NRXN2: variants seen among roughly 807,000 people sequenced by gnomAD.
NRXN2 encodes the protein neurexin-2-beta.
A neutral mutation model predicts 128.8 loss-of-function variants in NRXN2; 29 were observed. The observed-to-expected ratio is 0.23, with a 90% CI of 0.17 to 0.31. The LOEUF is 0.31. Ranked by LOEUF, NRXN2 falls within the 10% of genes least tolerant of loss-of-function variation. The pLI is 1.00. For missense variants in NRXN2, 1,881 were observed against 2,452.6 expected, an observed-to-expected ratio of 0.77 and a Z score of 4.92; for synonymous variants, 1,098 against 1,075.2, an observed-to-expected ratio of 1.02 and a Z score of -0.41.
At chr11:64,682,393 C>T (rs1051987488) in intron 6 of NRXN2, among the ~76,000 whole-genome samples, 4 of 150,990 alleles carry the variant, frequency 2.6e-5, no homozygotes, top group African/African-American at 2.4e-5. Context: ...GGGACTCCAT[C>T]CTTGGGGACT....
At chr11:64,673,573 A>G (rs1287998405) in intron 7 of NRXN2, among the ~76,000 whole-genome samples, 1 of 152,264 alleles carries the variant, frequency 6.6e-6, no homozygotes, top group Non-Finnish European at 1.5e-5. Flanking sequence ...AGGTCTGTTT[A>G]TCAGTCAGTA....
At chr11:64,673,702 GTT>G (rs397825366) in intron 7 of NRXN2, among the ~76,000 whole-genome samples, 3 of 151,678 alleles carry the variant, frequency 2.0e-5, no homozygotes, top group Non-Finnish European at 4.4e-5. Flanking sequence ...GTGTGTGTGT[GTT>G]TGTTTTAGAG....
At chr11:64,704,240 G>C (rs1276561503) in intron 2 of NRXN2, among the ~76,000 whole-genome samples, 3 of 152,056 alleles carry the variant, frequency 2.0e-5, no homozygotes, top group Non-Finnish European at 4.4e-5. Flanking sequence ...GTCATAGATG[G>C]TATGTCTTGC....
Position 64,667,575 on chromosome 11 carries a change from G to A in NRXN2, c.1473C>T (p.Ala491=). Residue 491 remains alanine, a synonymous_variant, in exon 9 of 23, where the codon GCC becomes GCT. Coordinates refer to ENST00000265459, the MANE Select transcript of NRXN2 (RefSeq NM_015080.4). The surrounding 1 kb of genome is among the most constrained non-coding windows in gnomAD (Gnocchi z 5.6). ...DLSFRCEDVA[A]LDPVTFESPE... is the part of the protein sequence containing the mutation. ...GACTCTCAAAGGTCACAGGGTCCAG[G>A]GCAGCCACATCCTCACAGCGGAATG... is the stretch of plus-strand genomic sequence containing the variant. The A allele has an allele frequency of 6.2e-7, 1 of 1,614,226 alleles. No individual in the cohort carries two copies. The highest frequency in any genetic ancestry group is 8.5e-7 in the Non-Finnish European group (1 of 1,180,048).
rs1204642881 is a variant in NRXN2 at position 64,713,168 on chromosome 11, G to C, written c.532C>G (p.Leu178Val). The C allele has an allele frequency of 6.8e-7, 1 of 1,461,896 alleles. No individual in the cohort carries two copies. The highest frequency in any genetic ancestry group is 9.0e-7 in the Non-Finnish European group (1 of 1,110,096). The allele number at this position is 1,461,896 out of a possible 1,614,324, so 90.6% of individuals were successfully genotyped here. A position where few individuals can be genotyped will look rare whatever the true frequency, so the allele number is the denominator to read the frequency against. Reference sequence around the variant, plus strand: ...TCGCCCAGCTTCAGGTTGGCCAAGAGGCCGCGGAAGGGCGGCTCGTACTTG... The same window carrying C: ...TCGCCCAGCTTCAGGTTGGCCAAGACGCCGCGGAAGGGCGGCTCGTACTTG... ...TVKYEPPFRG[L>V]LANLKLGERP... Residue 178 changes from leucine (L) to valine (V), a missense_variant, in exon 2 of 23, where the codon CTC (leucine) becomes GTC (valine). Physicochemically the swap from Leu to Val is conservative, Grantham distance 32 (BLOSUM62 1). Coordinates refer to ENST00000265459, the MANE Select transcript of NRXN2 (RefSeq NM_015080.4).
intron 9 of NRXN2, among the ~76,000 whole-genome samples, chr11:64,665,057 C>A (rs1336115415): frequency 6.7e-6 from 1 of 150,238 alleles, no homozygotes; most frequent in Non-Finnish European, 1.5e-5. Context: ...CCAAGGCGGG[C>A]GGATCATGAG....
chr11:64,627,850 T>C (rs2043297576), intron 19 of NRXN2, among the ~76,000 whole-genome samples: 1 of 152,090 alleles, frequency 6.6e-6, no homozygotes, highest in South Asian at 2.1e-4. Context: ...CCAGGAGGCT[T>C]TTCCTCTCAT....
intron 17 of NRXN2, among the ~76,000 whole-genome samples, chr11:64,646,892 G>A (rs867380662): frequency 1.3e-5 from 2 of 152,192 alleles, no homozygotes; most frequent in Non-Finnish European, 2.9e-5. Flanking sequence ...GGAAAATCTT[G>A]GGAGACAGAG....
At chr11:64,646,856 G>A (rs1016416071) in intron 17 of NRXN2, among the ~76,000 whole-genome samples, 1 of 152,238 alleles carries the variant, frequency 6.6e-6, no homozygotes, top group Non-Finnish European at 1.5e-5. Flanking sequence ...GGCTTTGGAA[G>A]GCACAGACAG....
intron 11 of NRXN2, among the ~76,000 whole-genome samples, chr11:64,656,289 G>T (rs2048269184): frequency 6.6e-6 from 1 of 152,152 alleles, no homozygotes; most frequent in Non-Finnish European, 1.5e-5. Flanking sequence ...TGGCCCCAGG[G>T]ATTAAAGGGC....
chr11:64,651,588 G>C lies in NRXN2; in HGVS notation c.2585C>G (p.Thr862Arg). 1 of 1,614,128 alleles carries C rather than the reference G, an allele frequency of 6.2e-7. No homozygotes were observed. The highest frequency in any genetic ancestry group is 8.5e-7 in the Non-Finnish European group (1 of 1,180,026). Residue 862 changes from threonine to arginine, a missense_variant, in exon 14 of 23, where the codon ACG (threonine) becomes AGG (arginine). By Grantham distance (71) the Thr-to-Arg change is moderately conservative. Around this residue, in one of 7 missense-constraint regions of NRXN2, gnomAD observed 390 missense variants for 599.6 expected, o/e 0.65. Coordinates refer to ENST00000265459, the MANE Select transcript of NRXN2 (RefSeq NM_015080.4). The surrounding 1 kb of genome is among the most constrained non-coding windows in gnomAD (Gnocchi z 5.9). ...HMRLEFHNIETGIMTERRFIS... is the reference protein window; with the variant it reads ...HMRLEFHNIERGIMTERRFIS... ...AAACCGCCGCTCCGTCATGATGCCC[G>C]TCTCAATGTTGTGGAACTCCAGCCG...
intron 2 of NRXN2, among the ~76,000 whole-genome samples, chr11:64,702,490 G>A (rs371335387): frequency 8.6e-5 from 13 of 151,658 alleles, no homozygotes; most frequent in Non-Finnish European, 1.8e-4. Context: ...CCTGTTGATC[G>A]GTGACCTTAC....
At chr11:64,647,686 G>A (rs1286514163) in intron 17 of NRXN2, among the ~76,000 whole-genome samples, 1 of 152,216 alleles carries the variant, frequency 6.6e-6, no homozygotes, top group South Asian at 2.1e-4. Flanking sequence ...GAAACCAGCT[G>A]TCCAGCAGCC....
At position 64,651,617 on chromosome 11, in the gene NRXN2, A is replaced by G; in HGVS notation, c.2556T>C (p.His852=). The change falls in exon 14 of 23, where the codon CAT becomes CAC. Residue 852 remains histidine, a synonymous_variant. Coordinates refer to ENST00000265459, the MANE Select transcript of NRXN2 (RefSeq NM_015080.4). This position sits in a 1 kb window ranked among gnomAD's most constrained non-coding sequence, Gnocchi z 5.9. ...CAATGTTGTGGAACTCCAGCCGCAT[A>G]TGGGCTCCTGCCATCTGTCCTGCTC... ...VTVEGQMAGA[H]MRLEFHNIET... 1 of 1,613,940 alleles carries G rather than the reference A, an allele frequency of 6.2e-7. No individual in the cohort carries two copies. Among genetic ancestry groups the G allele is most frequent in the South Asian group, 1.1e-5 (1 of 91,074 alleles).
At chr11:64,662,519 C>T (rs975067568) in intron 9 of NRXN2, among the ~76,000 whole-genome samples, 2 of 152,164 alleles carry the variant, frequency 1.3e-5, no homozygotes, top group Non-Finnish European at 2.9e-5. Flanking sequence ...CAGTGGCCCA[C>T]GCCTGTAATC....
chr11:64,648,813 T>C lies in NRXN2; in HGVS notation c.3204A>G (p.Ser1068=). The change falls in exon 16 of 23, where the codon TCA becomes TCG. Residue 1068 remains serine (S), a synonymous_variant. Coordinates refer to ENST00000265459, the MANE Select transcript of NRXN2 (RefSeq NM_015080.4). The surrounding 1 kb of genome is among the most constrained non-coding windows in gnomAD (Gnocchi z 4.1). The part of the protein sequence containing the change: ...SRDGFQGCLA[S]VDLNGRLPDL... ...CTGGGAGACGTCCGTTGAGGTCCAC[T>C]GAGGCCAGGCAGCCCTGAAAGCCAT... is the stretch of plus-strand genomic sequence containing the variant. 1.2e-6 allele frequency: 2 copies of C among 1,614,174 alleles called. No homozygotes were observed. Among genetic ancestry groups the C allele is most frequent in the Non-Finnish European group, 1.7e-6 (2 of 1,180,006 alleles).
At chr11:64,710,583 C>T (rs1176102896) in intron 2 of NRXN2, among the ~76,000 whole-genome samples, 3 of 152,074 alleles carry the variant, frequency 2.0e-5, no homozygotes, top group Admixed American at 1.3e-4. Flanking sequence ...CCTAACCTCC[C>T]GTAGCTCGAG....
Position 64,714,519 on chromosome 11 carries a change from G to A in NRXN2, c.-244-576C>T, listed in dbSNP as rs550668714. On this transcript the variant is annotated intron_variant, in intron 1 of 22. Transcript: ENST00000265459. The surrounding 1 kb of genome is among the most constrained non-coding windows in gnomAD (Gnocchi z 4.5). ...AGCCAGCCAGGACCCAGATATCCAG[G>A]CCCCAAGCCCTCTCCATCCAAGCAG... 3.3e-5 allele frequency among the ~76,000 whole-genome samples: 5 copies of A among 152,070 alleles called. No homozygotes were observed. Among genetic ancestry groups the A allele is most frequent in the African/African-American group, 9.7e-5 (4 of 41,442 alleles).
chr11:64,712,361 C>G (rs995658812), intron 2 of NRXN2, among the ~76,000 whole-genome samples: 1 of 151,998 alleles, frequency 6.6e-6, no homozygotes, highest in African/African-American at 2.4e-5. Flanking sequence ...GGTCCTGCTC[C>G]CTGTTTCATA....
Sources: allele counts gnomAD v4.1 joint callset (sites outside exome capture counted in the v4.1 genomes callset), GRCh38; gene constraint gnomAD v4.1.1; regional missense constraint gnomAD v4.1.1; non-coding constraint Gnocchi (gnomAD v3.1); transcripts MANE v1.5; gene names NCBI Gene and HGNC (gene_info 2026-07-23, HGNC 2026-07-21).